Variants in PNPT1 observed in about 807,000 individuals in gnomAD.
The protein encoded by PNPT1 is polyribonucleotide nucleotidyltransferase 1, also known as polyribonucleotide nucleotidyltransferase 1, mitochondrial.
In PNPT1, 53 loss-of-function variants were observed where a neutral mutation model predicts 119.5. The ratio of observed to expected loss-of-function variants is 0.44; its 90% CI spans 0.36 to 0.56. PNPT1 has a LOEUF of 0.56. Ranked by LOEUF, PNPT1 falls within the 20% of genes least tolerant of loss-of-function variation. The pLI, the probability that PNPT1 is intolerant of heterozygous loss-of-function variation, is 0.00. For missense variants in PNPT1, 948 were observed against 938.5 expected (o/e 1.01, Z -0.13); for synonymous variants, 357 against 322.1 (o/e 1.11, Z -1.16).
chr2:55,683,709 T>C (rs1387568567), intron 5 of PNPT1, 76 bp downstream of exon 5: 2 of 1,338,132 alleles, frequency 1.5e-6, no homozygotes, highest in Non-Finnish European at 2.1e-6. Flanking sequence ...TAATGTTTAC[T>C]CTAGGAAATA....
intron 18 of PNPT1, among the ~76,000 whole-genome samples, chr2:55,652,188 A>C (rs573648304): frequency 2.3e-4 from 35 of 152,072 alleles, no homozygotes; most frequent in Non-Finnish European, 3.8e-4. Context: ...TTTTGTTTTC[A>C]AACCTTTAAG....
intron 8 of PNPT1, among the ~76,000 whole-genome samples, chr2:55,673,854 T>C (rs1041937571): frequency 2.0e-5 from 3 of 152,084 alleles, no homozygotes; most frequent in African/African-American, 7.2e-5. Context: ...TCCAAAGTGC[T>C]GGGGATTACA....
Position 55,664,475 on chromosome 2 carries a change from GA to G in PNPT1, c.1177-2450del, listed in dbSNP as rs1466113535. Among the ~76,000 whole-genome samples the G allele has an allele frequency of 2.0e-5, 3 of 152,246 alleles. No individual in the cohort carries two copies. In the East Asian group the frequency reaches 5.8e-4, roughly 29 times the overall value. On this transcript the variant is annotated intron_variant, in intron 13 of 27. Transcript: ENST00000447944. The stretch of plus-strand genomic sequence containing the variant: ...ACAATATATAAATAAAAAGTTGTGA[GA>G]AGTTATGGATGTATACTGTTATTTC...
At chr2:55,681,627 T>A (rs1280019782) in intron 5 of PNPT1, among the ~76,000 whole-genome samples, 1 of 149,240 alleles carries the variant, frequency 6.7e-6, no homozygotes, top group Non-Finnish European at 1.5e-5. Context: ...GGTGGATCAC[T>A]TGAGGTCGGG....
At chr2:55,676,816 C>G (rs1171504128) in intron 8 of PNPT1, among the ~76,000 whole-genome samples, 1 of 149,668 alleles carries the variant, frequency 6.7e-6, no homozygotes, top group Non-Finnish European at 1.5e-5. Context: ...GAGCCAAGAT[C>G]ATGCCACTGT....
chr2:55,651,171 C>T (rs1167961762), intron 18 of PNPT1, among the ~76,000 whole-genome samples: 1 of 150,816 alleles, frequency 6.6e-6, no homozygotes, highest in African/African-American at 2.4e-5. Flanking sequence ...CCCCTCTGCC[C>T]GGCCAGCCGC....
At chr2:55,650,488 C>T (rs929570858) in intron 18 of PNPT1, among the ~76,000 whole-genome samples, 37 of 152,266 alleles carry the variant, frequency 2.4e-4, no homozygotes, top group African/African-American at 8.4e-4. Flanking sequence ...GATCTCAGCT[C>T]GCTACAACCT....
intron 25 of PNPT1, among the ~76,000 whole-genome samples, chr2:55,642,328 C>G (rs559689619): frequency 6.7e-6 from 1 of 150,038 alleles, no homozygotes; most frequent in African/African-American, 2.4e-5. Context: ...TTCAGTTGGC[C>G]GGGCGCGGTG....
intron 18 of PNPT1, 103 bp downstream of exon 18, chr2:55,654,797 A>G (rs1437153135): frequency 2.8e-6 from 3 of 1,063,960 alleles, no homozygotes; most frequent in Non-Finnish European, 4.2e-6. Flanking sequence ...GCTGGTCTTG[A>G]ACTCCCAGCC....
intron 13 of PNPT1, among the ~76,000 whole-genome samples, chr2:55,663,777 G>A (rs1365376519): frequency 6.6e-6 from 1 of 152,042 alleles, no homozygotes; most frequent in African/African-American, 2.4e-5. Flanking sequence ...AGGAGATAGA[G>A]ACCATCCTGG....
At chr2:55,647,482 G>T in intron 18 of PNPT1, 29 bp from the exon 19 acceptor site, 1 of 1,527,274 alleles carries the variant, frequency 6.5e-7, no homozygotes, top group South Asian at 1.2e-5. Context: ...ACAACTGTGG[G>T]TAATGTGTAC....
intron 13 of PNPT1, 142 bp downstream of exon 13, chr2:55,666,849 C>T (rs2104106196): frequency 1.8e-6 from 1 of 560,544 alleles, no homozygotes; most frequent in South Asian, 2.8e-5. Context: ...TCAAACAAAA[C>T]AAACAAGAAC....
chr2:55,656,283 A>G (rs1413570335), intron 16 of PNPT1, 22 bp downstream of exon 16: 1 of 1,611,756 alleles, frequency 6.2e-7, no homozygotes, highest in Non-Finnish European at 8.5e-7. Context: ...ATACCGTATT[A>G]AGTTTACAGA....
At chr2:55,667,464 G>T (rs1696769578) in intron 12 of PNPT1, among the ~76,000 whole-genome samples, 1 of 151,910 alleles carries the variant, frequency 6.6e-6, no homozygotes, top group Admixed American at 6.6e-5. Flanking sequence ...CATGGTGGTG[G>T]GCACCTGTAG....
intron 7 of PNPT1, 139 bp downstream of exon 7, chr2:55,680,573 G>A (rs562079215): frequency 2.6e-6 from 2 of 767,864 alleles, no homozygotes; most frequent in East Asian, 2.6e-5. Flanking sequence ...AGACCTGAAA[G>A]GAGACTTAGA....
At chr2:55,662,901 G>C (rs1696622870) in intron 13 of PNPT1, among the ~76,000 whole-genome samples, 1 of 145,428 alleles carries the variant, frequency 6.9e-6, no homozygotes, top group Non-Finnish European at 1.5e-5. Flanking sequence ...TTTTTTTGGA[G>C]ACGGAATCTC....
At chr2:55,640,811 A>G in intron 25 of PNPT1, 106 bp from the exon 26 acceptor site, 3 of 730,280 alleles carry the variant, frequency 4.1e-6, no homozygotes, top group Non-Finnish European at 6.7e-6. Context: ...AAACGAAAAG[A>G]AACAATTCTA....
chr2:55,646,909 GCTCACTGCAACCTCTGC>G (rs1241828252), intron 19 of PNPT1, among the ~76,000 whole-genome samples: 5 of 152,092 alleles, frequency 3.3e-5, no homozygotes, highest in Admixed American at 6.6e-5. Context: ...CACGATCTTG[GCTCACTGCAACCTCTGC>G]CTCCCGGGTT....
At chr2:55,684,009 C>A (rs1399837812) in intron 4 of PNPT1, among the ~76,000 whole-genome samples, 175 bp from the exon 5 acceptor site, 1 of 152,086 alleles carries the variant, frequency 6.6e-6, no homozygotes, top group African/African-American at 2.4e-5. Flanking sequence ...CATACCATGC[C>A]CTAACAACAA....
Sources: allele counts gnomAD v4.1 joint callset (sites outside exome capture counted in the v4.1 genomes callset), GRCh38; gene constraint gnomAD v4.1.1; transcripts MANE v1.5; gene names NCBI Gene and HGNC (gene_info 2026-07-23, HGNC 2026-07-21).